The following SNX7 variants were observed in gnomAD, a reference collection of about 807,000 sequenced individuals.
SNX7 encodes sorting nexin 7.
A neutral mutation model predicts 48.4 loss-of-function variants in SNX7; 35 were observed. The observed-to-expected ratio is 0.72, with a 90% CI of 0.55 to 0.96. The LOEUF (loss-of-function observed/expected upper bound fraction) is 0.96, where lower values mean the gene tolerates loss of function less well. SNX7 is among the 40% of genes least tolerant of loss of function. SNX7 has a pLI of 0.00. For missense variants in SNX7, 553 were observed against 548.9 expected, an observed-to-expected ratio of 1.01 and a Z score of -0.07; for synonymous variants, 190 against 190.2, an observed-to-expected ratio of 1.00 and a Z score of 0.01.
chr1:98,742,095 C>T (rs1306725800), intron 8 of SNX7, among the ~76,000 whole-genome samples: 1 of 152,068 alleles, frequency 6.6e-6, no homozygotes, highest in Non-Finnish European at 1.5e-5. Flanking sequence ...TTACCCAGTC[C>T]AGTGAAATCA....
intron 7 of SNX7, among the ~76,000 whole-genome samples, chr1:98,728,587 A>T (rs1653317593): frequency 6.6e-6 from 1 of 152,232 alleles, no homozygotes; most frequent in South Asian, 2.1e-4. Context: ...TAGGCTTAAA[A>T]TAAAGGTATG....
At chr1:98,750,000 G>A (rs1340943347) in intron 8 of SNX7, among the ~76,000 whole-genome samples, 1 of 151,974 alleles carries the variant, frequency 6.6e-6, no homozygotes, top group African/African-American at 2.4e-5. Flanking sequence ...TCTAAAAGTT[G>A]CTTTTTGATT....
At chr1:98,752,129 G>T (rs1195010711) in intron 8 of SNX7, among the ~76,000 whole-genome samples, 1 of 152,058 alleles carries the variant, frequency 6.6e-6, no homozygotes. Flanking sequence ...CAGGTTTTGA[G>T]ATTTTTTTGG....
intron 1 of SNX7, among the ~76,000 whole-genome samples, chr1:98,679,635 T>C (rs1284363499): frequency 6.6e-6 from 1 of 152,090 alleles, no homozygotes; most frequent in Non-Finnish European, 1.5e-5. Flanking sequence ...CCATTCCAAA[T>C]GGGAGAAATT....
At chr1:98,707,751 A>AC (rs1320964819) in intron 7 of SNX7, among the ~76,000 whole-genome samples, 1 of 152,224 alleles carries the variant, frequency 6.6e-6, no homozygotes, top group Non-Finnish European at 1.5e-5. Flanking sequence ...GCTGTTTAGC[A>AC]GTATATTTAT....
At chr1:98,705,613 A>G (rs1651967624) in intron 7 of SNX7, among the ~76,000 whole-genome samples, 1 of 152,182 alleles carries the variant, frequency 6.6e-6, no homozygotes, top group Non-Finnish European at 1.5e-5. Flanking sequence ...AGCACAAGGA[A>G]TATTTCAGGT....
At chr1:98,747,520 G>A (rs1654362488) in intron 8 of SNX7, among the ~76,000 whole-genome samples, 1 of 152,208 alleles carries the variant, frequency 6.6e-6, no homozygotes, top group South Asian at 2.1e-4. Flanking sequence ...TGGCCAGTAA[G>A]ACCATTTAAT....
intron 8 of SNX7, among the ~76,000 whole-genome samples, chr1:98,741,373 G>A (rs1213055581): frequency 6.6e-6 from 1 of 152,068 alleles, no homozygotes; most frequent in Non-Finnish European, 1.5e-5. Context: ...TGCAATAATT[G>A]TGTCATGTTA....
chr1:98,756,422 GTTTTTTTTTT>G (rs35117249), intron 8 of SNX7, among the ~76,000 whole-genome samples: 2 of 54,686 alleles, frequency 3.7e-5, no homozygotes, highest in Admixed American at 3.3e-4. Context: ...TGCCAGATGA[GTTTTTTTTTT>G]TTTTTTTTTT....
chr1:98,698,795 G>GC lies in SNX7; in HGVS notation c.930dup (p.Ser311GlnfsTer4), dbSNP rs1205471594. ...TCTGGTTGATACTCTAAAGGATGTT[G>GC]CCAGCTGCATTGACAGATGCTGTAA... On this transcript the variant is annotated frameshift_variant, in exon 6 of 9. Coordinates refer to ENST00000306121, the MANE Select transcript of SNX7 (RefSeq NM_015976.5). LOFTEE classifies it high-confidence loss of function. 6.2e-7 allele frequency: 1 copy of GC among 1,613,296 alleles called. No homozygotes were observed. The highest frequency in any genetic ancestry group is 8.5e-7 in the Non-Finnish European group (1 of 1,179,726).
chr1:98,662,695 A>G lies in SNX7; in HGVS notation c.180+784A>G, dbSNP rs541933150. On this transcript the variant is annotated intron_variant, in intron 1 of 8. Coordinates refer to ENST00000306121, the MANE Select transcript of SNX7 (RefSeq NM_015976.5). ...TAGAAAAGAAAAATACCTTTCTTGC[A>G]GGGAGGTTGAATGTCACTCCAGTTT... 23 of 1,289,356 alleles carry G rather than the reference A, an allele frequency of 1.8e-5. No individual in the cohort carries two copies. The African/African-American group carries it at 2.3e-4, about 13-fold the overall frequency. The allele number at this position is 1,289,356 out of a possible 1,614,324, so 79.9% of individuals were successfully genotyped here.
chr1:98,703,928 G>A (rs1199897242), intron 7 of SNX7, among the ~76,000 whole-genome samples: 1 of 151,986 alleles, frequency 6.6e-6, no homozygotes, highest in Non-Finnish European at 1.5e-5. Context: ...ATAATAGCAT[G>A]GCTGAAAAAC....
Position 98,691,524 on chromosome 1 carries a change from T to A in SNX7, c.475-11T>A. On this transcript the variant is annotated splice_polypyrimidine_tract_variant and intron_variant, in intron 3 of 8. Coordinates refer to ENST00000306121, the MANE Select transcript of SNX7 (RefSeq NM_015976.5). Reference sequence around the variant, plus strand: ...AATACTTGAATACCTTTTTAATTTTTTTTGCCTTAGCCATTGCCAGAAAAG... The same window carrying A: ...AATACTTGAATACCTTTTTAATTTTATTTGCCTTAGCCATTGCCAGAAAAG... 4 of 1,556,564 alleles carry A rather than the reference T, an allele frequency of 2.6e-6. No homozygotes were observed. Among genetic ancestry groups the A allele is most frequent in the Non-Finnish European group, 3.5e-6 (4 of 1,157,044 alleles).
chr1:98,749,859 G>A (rs978439868), intron 8 of SNX7, among the ~76,000 whole-genome samples: 10 of 151,974 alleles, frequency 6.6e-5, no homozygotes, highest in African/African-American at 1.4e-4. Context: ...GGGCTTCAAC[G>A]TTTTCTCAAA....
At chr1:98,663,379 C>A (rs974841836) in intron 1 of SNX7, among the ~76,000 whole-genome samples, 2 of 144,166 alleles carry the variant, frequency 1.4e-5, no homozygotes, top group Non-Finnish European at 3.0e-5. Flanking sequence ...GCCACAGTGA[C>A]TCGGATTGTT....
intron 7 of SNX7, among the ~76,000 whole-genome samples, chr1:98,722,638 G>C (rs1652944296): frequency 1.3e-5 from 2 of 151,822 alleles, no homozygotes; most frequent in African/African-American, 4.8e-5. Flanking sequence ...TTGAATGGTT[G>C]ATTTTTTTTT....
Position 98,661,804 on chromosome 1 carries a change from C to T in SNX7, c.73C>T (p.Pro25Ser). The T allele has an allele frequency of 8.0e-7, 1 of 1,245,072 alleles. No individual in the cohort carries two copies. The highest frequency in any genetic ancestry group is 1.0e-6 in the Non-Finnish European group (1 of 987,128). 77.1% of individuals were successfully genotyped at this position (1,245,072 alleles called of 1,614,324 possible). A position where few individuals can be genotyped will look rare whatever the true frequency, so the allele number is the denominator to read the frequency against. Residue 25 changes from proline to serine, a missense_variant, in exon 1 of 9, where the codon CCG (proline) becomes TCG (serine). Transcript: ENST00000306121. ...LPAGGANGES[P>S]GGGAPFPGSS... Reference sequence around the variant, plus strand: ...GGCCGGGGGCGCCAACGGGGAGAGCCCGGGGGGCGGCGCCCCCTTTCCGGG... The same window carrying T: ...GGCCGGGGGCGCCAACGGGGAGAGCTCGGGGGGCGGCGCCCCCTTTCCGGG...
Position 98,760,083 on chromosome 1 carries a change from A to G in SNX7, c.1308A>G (p.Thr436=). Residue 436 remains threonine (T), a synonymous_variant, in exon 9 of 9, where the codon ACA becomes ACG. Transcript: ENST00000306121. ...QCLATWESFL[T]SQTNLHLEEA... is the part of the protein sequence containing the mutation. ...TTGCTACGTGGGAGTCATTCCTTAC[A>G]TCACAGACCAACCTTCACTTGGAAG... is the stretch of plus-strand genomic sequence containing the variant. 2.5e-6 allele frequency: 4 copies of G among 1,609,428 alleles called. No individual in the cohort carries two copies. The highest frequency in any genetic ancestry group is 3.4e-6 in the Non-Finnish European group (4 of 1,176,138).
chr1:98,671,599 T>A (rs1649866431), intron 1 of SNX7, among the ~76,000 whole-genome samples: 1 of 152,132 alleles, frequency 6.6e-6, no homozygotes, highest in African/African-American at 2.4e-5. Flanking sequence ...TTTTTTAAGA[T>A]AATTAACCAG....
Sources: allele counts gnomAD v4.1 joint callset (sites outside exome capture counted in the v4.1 genomes callset), GRCh38; gene constraint gnomAD v4.1.1; transcripts MANE v1.5; gene names NCBI Gene and HGNC (gene_info 2026-07-23, HGNC 2026-07-21).